Variants in NARS2 observed in about 807,000 individuals in gnomAD.
NARS2 encodes the protein asparaginyl-tRNA synthetase 2, mitochondrial, also known as asparaginyl-tRNA synthetase.
NARS2 carries 60 observed loss-of-function variants against 62.9 expected under a neutral mutation model. That is an observed-to-expected ratio of 0.95 (90% CI 0.77 to 1.18). The LOEUF (loss-of-function observed/expected upper bound fraction) is 1.18. NARS2 is among the 50% of genes most tolerant of loss of function. The pLI is 0.00. For synonymous variants in NARS2, 196 were observed against 200.0 expected (o/e 0.98, Z 0.17); for missense variants, 619 against 576.4 (o/e 1.07, Z -0.76).
chr11:78,503,672 A>C (rs1860373364), intron 6 of NARS2, among the ~76,000 whole-genome samples: 1 of 152,224 alleles, frequency 6.6e-6, no homozygotes, highest in Non-Finnish European at 1.5e-5. Flanking sequence ...ATTTTCTAAT[A>C]CTCTTGACAG....
chr11:78,553,952 G>C (rs1362469802), intron 5 of NARS2, among the ~76,000 whole-genome samples: 2 of 152,190 alleles, frequency 1.3e-5, no homozygotes, highest in East Asian at 3.9e-4. Flanking sequence ...TCAATCGTCT[G>C]CATACGGCTA....
chr11:78,554,598 T>C (rs929700875), intron 5 of NARS2, among the ~76,000 whole-genome samples: 9 of 151,904 alleles, frequency 5.9e-5, no homozygotes, highest in Non-Finnish European at 5.9e-5. Flanking sequence ...ATAGGAATGT[T>C]AGTGATTTTT....
At chr11:78,501,760 A>G (rs1204545422) in intron 6 of NARS2, among the ~76,000 whole-genome samples, 6 of 152,262 alleles carry the variant, frequency 3.9e-5, no homozygotes, top group Non-Finnish European at 8.8e-5. Flanking sequence ...GTGAAATTGT[A>G]TAACTGTTAT....
intron 11 of NARS2, among the ~76,000 whole-genome samples, chr11:78,462,561 A>G (rs1330984137): frequency 1.3e-5 from 2 of 152,212 alleles, no homozygotes; most frequent in Non-Finnish European, 2.9e-5. Flanking sequence ...AAAAAAATAC[A>G]TATATTTTAA....
chr11:78,559,778 T>C (rs1250763049), intron 4 of NARS2, among the ~76,000 whole-genome samples, 159 bp from the exon 5 acceptor site: 3 of 152,190 alleles, frequency 2.0e-5, no homozygotes. Context: ...AGTTGAGTGT[T>C]TTAACTACCC....
At chr11:78,486,641 A>T (rs1859586544) in intron 7 of NARS2, among the ~76,000 whole-genome samples, 1 of 152,212 alleles carries the variant, frequency 6.6e-6, no homozygotes, top group African/African-American at 2.4e-5. Flanking sequence ...AAATAATTCC[A>T]TTTCCAAAGG....
chr11:78,572,070 T>C (rs1305767927), intron 1 of NARS2, among the ~76,000 whole-genome samples: 2 of 152,030 alleles, frequency 1.3e-5, no homozygotes, highest in Non-Finnish European at 2.9e-5. Flanking sequence ...TAGTCCCAGT[T>C]ACTGGGGAGG....
chr11:78,464,845 T>A (rs917048057), intron 11 of NARS2, among the ~76,000 whole-genome samples: 2 of 152,172 alleles, frequency 1.3e-5, no homozygotes, highest in African/African-American at 4.8e-5. Flanking sequence ...GTATTTACAA[T>A]CTCTTAGCTA....
At position 78,436,597 on chromosome 11, in the gene NARS2, G is replaced by A. The variant is rs541616138; in HGVS notation, c.*73C>T. On this transcript the variant is annotated 3_prime_UTR_variant, in exon 14 of 14. Transcript: ENST00000281038. ...ATCTGCATTTCTAAAATCCAAACAT[G>A]CATTCTGCTGTATGCACAATCATGT... 1 of 1,445,318 alleles carries A rather than the reference G, an allele frequency of 6.9e-7. No homozygotes were observed. Among genetic ancestry groups the A allele is most frequent in the African/African-American group, 1.4e-5 (1 of 70,400 alleles). The allele number at this position is 1,445,318 out of a possible 1,614,324, so 89.5% of individuals were successfully genotyped here. A position where few individuals can be genotyped will look rare whatever the true frequency, so the allele number is the denominator to read the frequency against.
At chr11:78,552,039 G>A (rs984458132) in intron 5 of NARS2, among the ~76,000 whole-genome samples, 1 of 152,092 alleles carries the variant, frequency 6.6e-6, no homozygotes, top group Non-Finnish European at 1.5e-5. Flanking sequence ...ACATGTGAAG[G>A]TCTGTTACAT....
intron 11 of NARS2, among the ~76,000 whole-genome samples, chr11:78,461,164 A>G (rs570967428): frequency 1.6e-4 from 25 of 152,306 alleles, no homozygotes; most frequent in Admixed American, 5.2e-4. Context: ...ATATGAGTCT[A>G]GAGCTCAGAG....
chr11:78,453,690 AT>A (rs1284043185), intron 11 of NARS2, among the ~76,000 whole-genome samples: 1 of 152,230 alleles, frequency 6.6e-6, no homozygotes, highest in Non-Finnish European at 1.5e-5. Flanking sequence ...AAGAAAAAGA[AT>A]GTTCCACAAA....
chr11:78,530,446 A>T (rs1029845304), intron 5 of NARS2, among the ~76,000 whole-genome samples: 2 of 151,224 alleles, frequency 1.3e-5, no homozygotes, highest in South Asian at 2.1e-4. Flanking sequence ...GTATTTATAT[A>T]AAAAAAAAGT....
chr11:78,517,796 T>C (rs1002551487), intron 6 of NARS2, among the ~76,000 whole-genome samples: 4 of 152,224 alleles, frequency 2.6e-5, no homozygotes, highest in African/African-American at 9.6e-5. Flanking sequence ...ATACAGAAAA[T>C]GCAATTGGCA....
Position 78,493,403 on chromosome 11 carries a change from C to T in NARS2, c.690-208G>A, listed in dbSNP as rs149314636. 2.2e-4 allele frequency among the ~76,000 whole-genome samples: 34 copies of T among 152,278 alleles called. No homozygotes were observed. The East Asian group carries it at 6.4e-3, about 28-fold the overall frequency. On this transcript the variant is annotated intron_variant, in intron 6 of 13. Coordinates refer to ENST00000281038, the MANE Select transcript of NARS2 (RefSeq NM_024678.6). ...TACATTGAGGCTGGGCACAGTGGCT[C>T]AGGTCTGTAATCCTAGCACTTCCTG...
At chr11:78,501,055 G>C (rs750101533) in intron 6 of NARS2, among the ~76,000 whole-genome samples, 1 of 152,148 alleles carries the variant, frequency 6.6e-6, no homozygotes, top group Non-Finnish European at 1.5e-5. Context: ...TAATGTGACT[G>C]TGCTCCAGCC....
At chr11:78,442,887 G>A (rs1857618371) in intron 12 of NARS2, among the ~76,000 whole-genome samples, 1 of 152,202 alleles carries the variant, frequency 6.6e-6, no homozygotes, top group South Asian at 2.1e-4. Context: ...CTGAGGAAGT[G>A]AAATGTGCTT....
chr11:78,479,407 G>C (rs1166669294), intron 7 of NARS2, among the ~76,000 whole-genome samples: 1 of 152,090 alleles, frequency 6.6e-6, no homozygotes, highest in Admixed American at 6.5e-5. Context: ...TCCTCAGGAG[G>C]CTGAGTTGGG....
At chr11:78,467,651 G>A (rs192162531) in intron 10 of NARS2, among the ~76,000 whole-genome samples, 78 of 152,128 alleles carry the variant, frequency 5.1e-4, no homozygotes, top group African/African-American at 1.7e-3. Context: ...GGTTGTCAGG[G>A]GTCTGGGAAT....
Sources: allele counts gnomAD v4.1 joint callset (sites outside exome capture counted in the v4.1 genomes callset), GRCh38; gene constraint gnomAD v4.1.1; transcripts MANE v1.5; gene names NCBI Gene and HGNC (gene_info 2026-07-23, HGNC 2026-07-21).